The following ADGRL3 variants were observed in gnomAD, a reference collection of about 807,000 sequenced individuals.
The protein encoded by ADGRL3 is calcium-independent alpha-latrotoxin receptor 3.
In ADGRL3, 62 loss-of-function variants were observed where a neutral mutation model predicts 153.5. The observed-to-expected ratio is 0.40, with a 90% CI of 0.33 to 0.50. ADGRL3 has a LOEUF of 0.50. Ranked by LOEUF, ADGRL3 falls within the 20% of genes least tolerant of loss-of-function variation. The pLI, the probability that ADGRL3 is intolerant of heterozygous loss-of-function variation, is 0.47. For synonymous variants in ADGRL3, 710 were observed against 672.5 expected (o/e 1.06, Z -0.86); for missense variants, 1,641 against 1,859.4 (o/e 0.88, Z 2.16).
Position 61,440,327 on chromosome 4 carries a change from C to T in ADGRL3, c.-173-56794C>T, listed in dbSNP as rs952360345. Among the ~76,000 whole-genome samples the T allele has an allele frequency of 1.3e-4, 20 of 152,274 alleles. No individual in the cohort carries two copies. In the East Asian group the frequency reaches 2.3e-3, roughly 18 times the overall value. On this transcript the variant is annotated intron_variant, in intron 2 of 26. Coordinates refer to ENST00000683033, the MANE Select transcript of ADGRL3 (RefSeq NM_001387552.1). ...CCTCCCAAAGTGCTGGGATTACAGGCGTGAGCCACTGCACCCGGCCTATAT... is the reference window on the plus strand; with the variant it reads ...CCTCCCAAAGTGCTGGGATTACAGGTGTGAGCCACTGCACCCGGCCTATAT...
At chr4:61,495,668 A>G (rs898585470) in intron 2 of ADGRL3, among the ~76,000 whole-genome samples, 1 of 152,168 alleles carries the variant, frequency 6.6e-6, no homozygotes, top group African/African-American at 2.4e-5. Flanking sequence ...AAATCTTGGG[A>G]AGACTTGAAG....
At chr4:61,498,593 G>T (rs994337516) in intron 3 of ADGRL3, among the ~76,000 whole-genome samples, 2 of 151,924 alleles carry the variant, frequency 1.3e-5, no homozygotes, top group African/African-American at 2.4e-5. Flanking sequence ...TAATATTAAT[G>T]TGTGTTTTCA....
At chr4:61,977,966 TC>T (rs2099053884) in intron 17 of ADGRL3, among the ~76,000 whole-genome samples, 1 of 152,106 alleles carries the variant, frequency 6.6e-6, no homozygotes, top group African/African-American at 2.4e-5. Context: ...CCTCTGGTAG[TC>T]CCAAGTTTCT....
At chr4:61,757,518 C>G (rs1264960350) in intron 8 of ADGRL3, among the ~76,000 whole-genome samples, 2 of 151,240 alleles carry the variant, frequency 1.3e-5, no homozygotes, top group African/African-American at 2.4e-5. Flanking sequence ...CTCTTTTCTT[C>G]TATTAGTCTT....
chr4:61,538,375 A>C (rs1371059384), intron 4 of ADGRL3, among the ~76,000 whole-genome samples: 1 of 152,140 alleles, frequency 6.6e-6, no homozygotes, highest in Non-Finnish European at 1.5e-5. Flanking sequence ...TGGAGGTCTT[A>C]GGGAGCTTAT....
At position 61,865,778 on chromosome 4, in the gene ADGRL3, G is replaced by A. The variant is rs566125770; in HGVS notation, c.1481-26878G>A. Among the ~76,000 whole-genome samples the A allele has an allele frequency of 5.9e-5, 9 of 152,280 alleles. 1 individual carries two copies. The East Asian group carries it at 1.7e-3, about 29-fold the overall frequency. On this transcript the variant is annotated intron_variant, in intron 9 of 26. Coordinates refer to ENST00000683033, the MANE Select transcript of ADGRL3 (RefSeq NM_001387552.1). ...CCTCTGACTCCTACATGGTTAAGAT[G>A]GAAGGAAGAGGGAGAGGGGAGCATA...
chr4:61,661,470 C>T (rs1340243639), intron 5 of ADGRL3, among the ~76,000 whole-genome samples: 2 of 152,020 alleles, frequency 1.3e-5, no homozygotes, highest in Non-Finnish European at 2.9e-5. Context: ...TACATCAGAG[C>T]ATTCTCCTAA....
chr4:61,485,879 G>C (rs762338462), intron 2 of ADGRL3, among the ~76,000 whole-genome samples: 17 of 151,646 alleles, frequency 1.1e-4, no homozygotes, highest in Non-Finnish European at 1.9e-4. Context: ...TATTTAAGAA[G>C]ATATTTAAAG....
chr4:61,280,305 C>T (rs1242753244), intron 1 of ADGRL3, among the ~76,000 whole-genome samples: 2 of 151,740 alleles, frequency 1.3e-5, no homozygotes, highest in Non-Finnish European at 2.9e-5. Context: ...AGACGGGTTT[C>T]ACCATATTGG....
chr4:61,680,050 A>C (rs1410365253), intron 6 of ADGRL3, among the ~76,000 whole-genome samples: 1 of 152,024 alleles, frequency 6.6e-6, no homozygotes, highest in Non-Finnish European at 1.5e-5. Flanking sequence ...ACTAGTTTGT[A>C]CCATGAAAAT....
chr4:61,978,536 A>G (rs1271734062), intron 17 of ADGRL3, among the ~76,000 whole-genome samples: 3 of 152,206 alleles, frequency 2.0e-5, no homozygotes, highest in Non-Finnish European at 4.4e-5. Context: ...ACAGTCATAA[A>G]CAATTTCTCA....
chr4:62,026,277 C>T (rs1256061483), intron 21 of ADGRL3, among the ~76,000 whole-genome samples: 1 of 152,062 alleles, frequency 6.6e-6, no homozygotes, highest in Non-Finnish European at 1.5e-5. Context: ...ATTTTGATGC[C>T]TAAGGCTCTG....
rs373804767 is a variant in ADGRL3, at chr4:61,664,243, G to A, written c.474-12583G>A. On this transcript the variant is annotated intron_variant, in intron 5 of 26. Coordinates refer to ENST00000683033, the MANE Select transcript of ADGRL3 (RefSeq NM_001387552.1). ...TTTCTATGAAAGCTGCATTCTGTAG[G>A]TGTTATGTAAAATATGTAAAATTTT... Among the ~76,000 whole-genome samples, 131 of 152,182 alleles carry A rather than the reference G, an allele frequency of 8.6e-4. 2 individuals are homozygous for A. The highest frequency in any genetic ancestry group is 3.1e-3 in the African/African-American group (128 of 41,508).
intron 9 of ADGRL3, among the ~76,000 whole-genome samples, chr4:61,821,703 C>CT (rs1554039922): frequency 6.6e-6 from 1 of 151,902 alleles, no homozygotes; most frequent in Non-Finnish European, 1.5e-5. Flanking sequence ...TTATTTTTAC[C>CT]TTTTTTCCCT....
Position 61,936,112 on chromosome 4 carries a change from G to A in ADGRL3, c.2419+67G>A, listed in dbSNP as rs2098837192. The stretch of plus-strand genomic sequence containing the variant: ...TGCATCAGTTCATTTCTTTTTGGCC[G>A]GGAATATTAGGTCCACTATTTAGGA... On this transcript the variant is annotated intron_variant, in intron 15 of 26. Transcript: ENST00000683033. 1.2e-5 allele frequency: 19 copies of A among 1,546,200 alleles called. No individual in the cohort carries two copies. In the Admixed American group the frequency reaches 2.0e-4, roughly 17 times the overall value.
chr4:61,641,621 A>G (rs1323610909), intron 5 of ADGRL3, among the ~76,000 whole-genome samples: 4 of 151,824 alleles, frequency 2.6e-5, no homozygotes, highest in Non-Finnish European at 5.9e-5. Context: ...TGAACTCATC[A>G]ATTTTTATGG....
intron 5 of ADGRL3, among the ~76,000 whole-genome samples, chr4:61,646,814 G>A (rs2094011052): frequency 6.6e-6 from 1 of 152,194 alleles, no homozygotes; most frequent in South Asian, 2.1e-4. Context: ...CCCAGTTTGA[G>A]CTTCCCAGCT....
chr4:61,316,184 A>G (rs951749382), intron 1 of ADGRL3, among the ~76,000 whole-genome samples: 4 of 152,156 alleles, frequency 2.6e-5, no homozygotes, highest in Non-Finnish European at 5.9e-5. Context: ...AAAAAATTAG[A>G]TTTGGAATAA....
At chr4:61,611,687 C>G (rs922807151) in intron 5 of ADGRL3, among the ~76,000 whole-genome samples, 2 of 152,068 alleles carry the variant, frequency 1.3e-5, no homozygotes, top group African/African-American at 4.8e-5. Flanking sequence ...CTTTCAGAGA[C>G]TGGGGTTGGA....
Sources: allele counts gnomAD v4.1 joint callset (sites outside exome capture counted in the v4.1 genomes callset), GRCh38; gene constraint gnomAD v4.1.1; transcripts MANE v1.5; gene names NCBI Gene and HGNC (gene_info 2026-07-23, HGNC 2026-07-21).